The following IKZF3 variants were observed in gnomAD, a reference collection of about 807,000 sequenced individuals.
The protein encoded by IKZF3 is IKAROS family zinc finger 3.
IKZF3 carries 10 observed loss-of-function variants against 49.0 expected under a neutral mutation model. That is an observed-to-expected ratio of 0.20 (90% CI 0.13 to 0.35). IKZF3 has a LOEUF of 0.35. Among genes scored for constraint, IKZF3 ranks in the 10% least tolerant of loss-of-function variants. The pLI is 1.00. For missense variants in IKZF3, 498 were observed against 664.8 expected (o/e 0.75, Z 2.76); for synonymous variants, 209 against 228.2 (o/e 0.92, Z 0.76).
chr17:39,857,584 T>C (rs980276151), intron 1 of IKZF3, among the ~76,000 whole-genome samples: 14 of 152,180 alleles, frequency 9.2e-5, no homozygotes, highest in African/African-American at 3.4e-4. Context: ...TATTCACGCA[T>C]TGGATTTAGC....
At chr17:39,857,718 G>A (rs1391698171) in intron 1 of IKZF3, among the ~76,000 whole-genome samples, 2 of 152,032 alleles carry the variant, frequency 1.3e-5, no homozygotes, top group Non-Finnish European at 2.9e-5. Flanking sequence ...GGCAAGAAAA[G>A]AGTCAAATGA....
intron 2 of IKZF3, among the ~76,000 whole-genome samples, chr17:39,829,835 C>A (rs2062061382): frequency 6.6e-6 from 1 of 152,056 alleles, no homozygotes; most frequent in Non-Finnish European, 1.5e-5. Context: ...GCCTGTAATC[C>A]CAGCTACTCG....
At chr17:39,854,506 C>T (rs8078409) in intron 1 of IKZF3, among the ~76,000 whole-genome samples, 8,777 of 152,066 alleles carry the variant, frequency 0.058, 390 homozygotes, top group African/African-American at 0.12. Context: ...TGCAAAAATG[C>T]TTCATGTTTG....
intron 3 of IKZF3, among the ~76,000 whole-genome samples, chr17:39,810,431 C>T (rs375928214): frequency 7.9e-5 from 12 of 152,054 alleles, no homozygotes; most frequent in Admixed American, 3.3e-4. Flanking sequence ...GGAATATATA[C>T]ATATTTGTGA....
At chr17:39,853,398 A>C (rs1449448085) in intron 1 of IKZF3, among the ~76,000 whole-genome samples, 1 of 152,230 alleles carries the variant, frequency 6.6e-6, no homozygotes, top group Non-Finnish European at 1.5e-5. Context: ...ATCTTTTAAA[A>C]TCTTTTAAAC....
intron 1 of IKZF3, among the ~76,000 whole-genome samples, chr17:39,860,666 A>G (rs1042019473): frequency 2.0e-5 from 3 of 152,310 alleles, no homozygotes; most frequent in Non-Finnish European, 2.9e-5. Context: ...CACTGGGTAC[A>G]CATGGACTGT....
Position 39,864,263 on chromosome 17 carries a change from G to A in IKZF3, c.-137C>T. 4 of 992,332 alleles carry A rather than the reference G, an allele frequency of 4.0e-6. No individual in the cohort carries two copies. Among genetic ancestry groups the A allele is most frequent in the Admixed American group, 5.3e-5 (2 of 37,554 alleles). The allele number at this position is 992,332 out of a possible 1,614,324, so 61.5% of individuals were successfully genotyped here. A position where few individuals can be genotyped will look rare whatever the true frequency, so the allele number is the denominator to read the frequency against. On this transcript the variant is annotated 5_prime_UTR_variant, in exon 1 of 8. Coordinates refer to ENST00000346872, the MANE Select transcript of IKZF3 (RefSeq NM_012481.5). The stretch of plus-strand genomic sequence containing the variant: ...GTCCCCGGGATCCGGCAGCCGCGTC[G>A]GCGCAGACTGAAAAGGGCAGGAGCC...
chr17:39,759,797 T>C lies in IKZF3; in HGVS notation c.*5993A>G, dbSNP rs2060138927. The C allele has an allele frequency of 6.6e-6, 1 of 152,238 alleles. No homozygotes were observed. The allele number at this position is 152,238 out of a possible 1,614,324, so 9.4% of individuals were successfully genotyped here. ...ATTCTCCTTGTCTGAACTCTGGATATAGAGGTTTTTTGAACTATACTTTCT... is the reference window on the plus strand; with the variant it reads ...ATTCTCCTTGTCTGAACTCTGGATACAGAGGTTTTTTGAACTATACTTTCT... On this transcript the variant is annotated 3_prime_UTR_variant, in exon 8 of 8. Coordinates refer to ENST00000346872, the MANE Select transcript of IKZF3 (RefSeq NM_012481.5).
rs768861931 is a variant in IKZF3, at chr17:39,766,029, G to A, written c.1291C>T (p.Pro431Ser). The A allele has an allele frequency of 1.5e-5, 24 of 1,614,076 alleles. No homozygotes were observed. Among genetic ancestry groups the A allele is most frequent in the Non-Finnish European group, 2.0e-5 (24 of 1,180,032 alleles). The change falls in exon 8 of 8, where the codon CCG (proline) becomes TCG (serine). Residue 431 changes from proline to serine, a missense_variant. By Grantham distance (74) the Pro-to-Ser change is moderately conservative. Around this residue, in one of 3 missense-constraint regions of IKZF3, gnomAD observed 317 missense variants for 397.3 expected, o/e 0.80. Coordinates refer to ENST00000346872, the MANE Select transcript of IKZF3 (RefSeq NM_012481.5). ...ACGGAGTCTCTTGGGCAGATGGGCG[G>A]GGGCTTGAGGAGTTCGTAAGAGCGG... is the stretch of plus-strand genomic sequence containing the variant. ...VPRSYELLKP[P>S]PICPRDSVKV...
In IKZF3 at chr17:39,765,760, T is replaced by C. The variant is rs760013051; in HGVS notation, c.*30A>G. 1 of 1,515,750 alleles carries C rather than the reference T, an allele frequency of 6.6e-7. No homozygotes were observed. The highest frequency in any genetic ancestry group is 9.0e-7 in the Non-Finnish European group (1 of 1,108,816). 93.9% of individuals were successfully genotyped at this position (1,515,750 alleles called of 1,614,324 possible). On this transcript the variant is annotated 3_prime_UTR_variant, in exon 8 of 8. Coordinates refer to ENST00000346872, the MANE Select transcript of IKZF3 (RefSeq NM_012481.5). ...ATTGGTTTTTAGAAACGATGCTGAA[T>C]ACATAGGAGCAATCCCTGAGACCAG...
At chr17:39,804,956 C>T (rs373601121) in intron 3 of IKZF3, among the ~76,000 whole-genome samples, 16 of 152,240 alleles carry the variant, frequency 1.1e-4, no homozygotes, top group South Asian at 4.1e-4. Flanking sequence ...TTTTTATTTC[C>T]GGTAGACCTG....
chr17:39,857,847 C>T (rs1256051823), intron 1 of IKZF3, among the ~76,000 whole-genome samples: 1 of 151,600 alleles, frequency 6.6e-6, no homozygotes, highest in African/African-American at 2.4e-5. Flanking sequence ...TCCCCAGCTA[C>T]GCATGGTGGC....
rs1197006356 is a variant in IKZF3, at chr17:39,765,801, G to C, written c.1519C>G (p.Leu507Val). 8 of 1,599,726 alleles carry C rather than the reference G, an allele frequency of 5.0e-6. No individual in the cohort carries two copies. Among genetic ancestry groups the C allele is most frequent in the Non-Finnish European group, 6.0e-6 (7 of 1,169,004 alleles). ...SHIARGEHRA[L>V]LK ...CTGAGACCAGATATTCACTTCAGCA[G>C]GGCTCTGTGTTCTCCTCTGGCTATG... The change falls in exon 8 of 8, where the codon CTG (leucine) becomes GTG (valine). Residue 507 changes from leucine to valine, a missense_variant. Leu to Val is a conservative substitution (Grantham distance 32). Transcript: ENST00000346872.
At chr17:39,815,290 G>A (rs2061653678) in intron 3 of IKZF3, among the ~76,000 whole-genome samples, 1 of 152,196 alleles carries the variant, frequency 6.6e-6, no homozygotes, top group Non-Finnish European at 1.5e-5. Flanking sequence ...CAGGCCTTAA[G>A]GCCATGTCTT....
chr17:39,782,720 C>T (rs1289331075), intron 6 of IKZF3, among the ~76,000 whole-genome samples: 4 of 152,092 alleles, frequency 2.6e-5, no homozygotes, highest in Middle Eastern at 3.4e-3. Context: ...TGGTGTTTGG[C>T]GGTGTAATGC....
intron 3 of IKZF3, among the ~76,000 whole-genome samples, chr17:39,811,195 C>T (rs2144098109): frequency 7.0e-6 from 1 of 142,198 alleles, no homozygotes; most frequent in East Asian, 2.0e-4. Flanking sequence ...TGTGATTACA[C>T]CACTGCACTC....
Position 39,760,775 on chromosome 17 carries a change from T to A in IKZF3, c.*5015A>T, listed in dbSNP as rs2060165351. ...AACAAAGCCGAAAAGAAAAACTTTA[T>A]GTGGATGTGAGATTTGATAGTAACA... On this transcript the variant is annotated 3_prime_UTR_variant, in exon 8 of 8. Transcript: ENST00000346872. 6.6e-6 allele frequency: 1 copy of A among 152,266 alleles called. No homozygotes were observed. Among genetic ancestry groups the A allele is most frequent in the Non-Finnish European group, 1.5e-5 (1 of 68,044 alleles). The allele number at this position is 152,266 out of a possible 1,614,324, so 9.4% of individuals were successfully genotyped here.
chr17:39,784,894 T>C (rs1364462813), intron 6 of IKZF3, among the ~76,000 whole-genome samples: 1 of 152,216 alleles, frequency 6.6e-6, no homozygotes, highest in African/African-American at 2.4e-5. Flanking sequence ...GGCCTTTTTA[T>C]CCATCTGCTT....
At chr17:39,808,370 C>T (rs887431276) in intron 3 of IKZF3, among the ~76,000 whole-genome samples, 2 of 152,134 alleles carry the variant, frequency 1.3e-5, no homozygotes, top group Non-Finnish European at 2.9e-5. Context: ...AAGAGTTGGC[C>T]TGATTGGACA....
Sources: gnomAD v4.1 joint callset for allele counts (sites outside exome capture counted in the v4.1 genomes callset) on GRCh38, gnomAD v4.1.1 for gene constraint, gnomAD v4.1.1 regional missense constraint, MANE v1.5 for transcripts, NCBI Gene and HGNC (gene_info 2026-07-23, HGNC 2026-07-21) for gene names.